The following OSBPL6 variants were observed in gnomAD, a reference collection of about 807,000 sequenced individuals.
OSBPL6 encodes the protein oxysterol binding protein like 6.
OSBPL6 carries 49 observed loss-of-function variants against 125.8 expected under a neutral mutation model. The observed-to-expected ratio is 0.39, with a 90% CI of 0.31 to 0.49. The LOEUF is 0.49. Ranked by LOEUF, OSBPL6 falls within the 20% of genes least tolerant of loss-of-function variation. The pLI is 0.88. For synonymous variants in OSBPL6, 394 were observed against 391.8 expected (o/e 1.01, Z -0.07); for missense variants, 986 against 1,135.4 (o/e 0.87, Z 1.89).
intron 2 of OSBPL6, among the ~76,000 whole-genome samples, chr2:178,298,702 T>G (rs1206322640): frequency 3.3e-4 from 49 of 147,284 alleles, no homozygotes; most frequent in Non-Finnish European, 5.1e-4. Context: ...TTGCTTTTTT[T>G]TTTGTTTTTT....
intron 4 of OSBPL6, among the ~76,000 whole-genome samples, chr2:178,324,598 G>A (rs1017209414): frequency 2.6e-5 from 4 of 152,122 alleles, no homozygotes; most frequent in Non-Finnish European, 5.9e-5. Context: ...AAAAAAAACT[G>A]CATCCAGCAA....
At chr2:178,387,655 T>C (rs759742562) in intron 20 of OSBPL6, among the ~76,000 whole-genome samples, 4 of 152,178 alleles carry the variant, frequency 2.6e-5, no homozygotes, top group Non-Finnish European at 4.4e-5. Flanking sequence ...GAACTGGATA[T>C]GGAAGAAGGT....
At position 178,225,003 on chromosome 2, in the gene OSBPL6, T is replaced by TCTCTC. The variant is rs2090492179; in HGVS notation, c.-351+30329_-351+30330insCTCTC. On this transcript the variant is annotated intron_variant, in intron 1 of 24. Coordinates refer to ENST00000190611, the MANE Select transcript of OSBPL6 (RefSeq NM_032523.4). ...TCTCTCTCTGCTTCTCTCTCTCTCT[T>TCTCTC]TCTCTCTCTCTCTCTCTCTCTCTGA... Among the ~76,000 whole-genome samples the TCTCTC allele has an allele frequency of 3.9e-3, 584 of 148,518 alleles. 4 individuals carry two copies. The highest frequency in any genetic ancestry group is 0.014 in the African/African-American group (553 of 40,540).
intron 1 of OSBPL6, among the ~76,000 whole-genome samples, chr2:178,244,440 GT>G (rs5836647): frequency 0.63 from 96,178 of 152,026 alleles, 32,449 homozygotes; most frequent in African/African-American, 0.88. Flanking sequence ...CACAAAACAA[GT>G]TCTTTTGGTT....
intron 11 of OSBPL6, among the ~76,000 whole-genome samples, chr2:178,343,693 A>T (rs925499936): frequency 6.6e-6 from 1 of 152,178 alleles, no homozygotes. Flanking sequence ...GAAAATTCTT[A>T]GACTTGAAAA....
intron 13 of OSBPL6, among the ~76,000 whole-genome samples, chr2:178,368,626 A>G (rs1442093011): frequency 6.6e-6 from 1 of 152,116 alleles, no homozygotes; most frequent in Non-Finnish European, 1.5e-5. Flanking sequence ...TTTTGGCAGG[A>G]AAGTGTAATT....
intron 1 of OSBPL6, among the ~76,000 whole-genome samples, chr2:178,255,227 C>G (rs2091841607): frequency 6.6e-6 from 1 of 152,248 alleles, no homozygotes; most frequent in Admixed American, 6.5e-5. Flanking sequence ...TTGCTTGAAC[C>G]TGGGAGGCAG....
At chr2:178,201,487 G>A (rs1474968458) in intron 1 of OSBPL6, among the ~76,000 whole-genome samples, 2 of 152,170 alleles carry the variant, frequency 1.3e-5, no homozygotes, top group Non-Finnish European at 2.9e-5. Context: ...CCAGCTGCTG[G>A]CCTCAGCCCC....
rs190716504 is a variant in OSBPL6, at chr2:178,333,431, C to A, written c.657+390C>A. Among the ~76,000 whole-genome samples the A allele has an allele frequency of 5.9e-5, 9 of 152,160 alleles. No homozygotes were observed. The East Asian group carries it at 1.7e-3, about 29-fold the overall frequency. ...AATAAAAAAGAAAATTATGCAAATG[C>A]ATAACTGAGTCTCATTTGGGAAAAC... On this transcript the variant is annotated intron_variant, in intron 8 of 24. Coordinates refer to ENST00000190611, the MANE Select transcript of OSBPL6 (RefSeq NM_032523.4).
chr2:178,204,222 C>T (rs2089417939), intron 1 of OSBPL6, among the ~76,000 whole-genome samples: 1 of 152,038 alleles, frequency 6.6e-6, no homozygotes, highest in East Asian at 1.9e-4. Context: ...GGTGGTTACA[C>T]CATGTTGGCC....
intron 1 of OSBPL6, among the ~76,000 whole-genome samples, chr2:178,239,620 A>G (rs1398312260): frequency 6.7e-6 from 1 of 149,676 alleles, no homozygotes; most frequent in Non-Finnish European, 1.5e-5. Context: ...TTATTTATTT[A>G]TTTATTTATT....
chr2:178,271,010 A>C (rs1403094608), intron 1 of OSBPL6, among the ~76,000 whole-genome samples: 1 of 152,168 alleles, frequency 6.6e-6, no homozygotes, highest in African/African-American at 2.4e-5. Context: ...TTTAACTCCG[A>C]AACCATGTTA....
chr2:178,382,849 G>A (rs539016279), intron 16 of OSBPL6, 175 bp from the exon 17 acceptor site: 79 of 1,390,428 alleles, frequency 5.7e-5, no homozygotes, highest in South Asian at 3.1e-4. Flanking sequence ...ATACACTGTT[G>A]TTTTCTGCAT....
At chr2:178,231,638 ATTTTTT>A (rs71023433) in intron 1 of OSBPL6, among the ~76,000 whole-genome samples, 1 of 84,588 alleles carries the variant, frequency 1.2e-5, no homozygotes, top group African/African-American at 5.5e-5. Context: ...GGGTGGTCCC[ATTTTTT>A]TTTTTTTTTT....
chr2:178,222,148 G>A (rs995368447), intron 1 of OSBPL6, among the ~76,000 whole-genome samples: 4 of 152,104 alleles, frequency 2.6e-5, no homozygotes, highest in South Asian at 4.1e-4. Flanking sequence ...TAGTTGTCAC[G>A]GAGCAACCCC....
intron 3 of OSBPL6, chr2:178,320,384 CA>C (rs753250964): frequency 6.2e-7 from 1 of 1,613,222 alleles, no homozygotes; most frequent in South Asian, 1.1e-5. Context: ...TATCTCTGAT[CA>C]GGGGAAACAG....
intron 15 of OSBPL6, among the ~76,000 whole-genome samples, chr2:178,378,262 G>A (rs1694074538): frequency 6.6e-6 from 1 of 152,174 alleles, no homozygotes; most frequent in Non-Finnish European, 1.5e-5. Flanking sequence ...CATGAAGGCA[G>A]AGATTTAACC....
rs1406254677 is a variant in OSBPL6 at position 178,317,440 on chromosome 2, A to G, written c.103-6737A>G. Among the ~76,000 whole-genome samples, 7 of 1,248 alleles carry G rather than the reference A, an allele frequency of 5.6e-3. No individual in the cohort carries two copies. The South Asian group carries it at 0.21, about 37-fold the overall frequency. The allele number at this position is 1,248 out of a possible 152,430, so 0.8% of individuals were successfully genotyped here. On this transcript the variant is annotated intron_variant, in intron 3 of 24. Transcript: ENST00000190611. ...GTCGCAGCAGAAACTTAGACACCATATATATATATATATATATATATATAT... is the reference window on the plus strand; with the variant it reads ...GTCGCAGCAGAAACTTAGACACCATGTATATATATATATATATATATATAT...
At chr2:178,310,888 CT>C (rs1439955207) in intron 3 of OSBPL6, among the ~76,000 whole-genome samples, 2 of 152,200 alleles carry the variant, frequency 1.3e-5, no homozygotes, top group Non-Finnish European at 2.9e-5. Context: ...TTGCCACCTC[CT>C]CCCCCTCCAC....
Sources: allele counts gnomAD v4.1 joint callset (sites outside exome capture counted in the v4.1 genomes callset), GRCh38; gene constraint gnomAD v4.1.1; transcripts MANE v1.5; gene names NCBI Gene and HGNC (gene_info 2026-07-23, HGNC 2026-07-21).